Variants in CRCP observed in about 807,000 individuals in gnomAD.
The protein encoded by CRCP is DNA-directed RNA polymerase III subunit RPC9.
Under a neutral mutation model 18.5 loss-of-function variants are expected in CRCP, and 18 were observed. That is an observed-to-expected ratio of 0.97 (90% CI 0.67 to 1.44). The LOEUF is 1.44. CRCP is among the 40% of genes most tolerant of loss of function. CRCP has a pLI of 0.00. For synonymous variants in CRCP, 53 were observed against 62.9 expected (o/e 0.84, Z 0.75); for missense variants, 130 against 176.4 (o/e 0.74, Z 1.49).
intron 4 of CRCP, among the ~76,000 whole-genome samples, chr7:66,135,315 C>T (rs191934768): frequency 1.3e-5 from 2 of 152,174 alleles, no homozygotes; most frequent in African/African-American, 4.8e-5. Flanking sequence ...TAATTCTTCT[C>T]TAATTATTGA....
Position 66,146,179 on chromosome 7 carries a change from C to A in CRCP, c.297+679C>A, listed in dbSNP as rs780241903. Among the ~76,000 whole-genome samples, 197 of 152,168 alleles carry A rather than the reference C, an allele frequency of 1.3e-3. 3 individuals are homozygous for A. Among genetic ancestry groups the A allele is most frequent in the Non-Finnish European group, 1.4e-3 (96 of 68,026 alleles). ...CACCGTCAGAGATCACATCTAAAAC[C>A]ATGAATGTGATCCCATTTCCCTGCA... On this transcript the variant is annotated intron_variant, in intron 5 of 5. Coordinates refer to ENST00000395326, the MANE Select transcript of CRCP (RefSeq NM_014478.5).
In CRCP at chr7:66,136,762, G is replaced by A. The variant is rs1787982603; in HGVS notation, c.239+2388G>A. Among the ~76,000 whole-genome samples the A allele has an allele frequency of 2.0e-5, 3 of 151,856 alleles. No individual in the cohort carries two copies. The South Asian group carries it at 6.2e-4, about 32-fold the overall frequency. On this transcript the variant is annotated intron_variant, in intron 4 of 5. Transcript: ENST00000395326. The stretch of plus-strand genomic sequence containing the variant: ...ACATCTATAGGTCAGTTTTGGGGGA[G>A]AATTGACATCTTGACAATATTAATA...
chr7:66,145,543 G>C (rs1562771904), intron 5 of CRCP, 43 bp downstream of exon 5: 1 of 1,605,956 alleles, frequency 6.2e-7, no homozygotes, highest in East Asian at 2.2e-5. Context: ...CTGTGGGTCT[G>C]AGATGTAGAA....
At chr7:66,134,748 T>G (rs1312499013) in intron 4 of CRCP, among the ~76,000 whole-genome samples, 1 of 152,078 alleles carries the variant, frequency 6.6e-6, no homozygotes, top group Non-Finnish European at 1.5e-5. Flanking sequence ...CAAAATACAG[T>G]TTATTTATAT....
At chr7:66,132,977 A>G (rs1056671674) in intron 3 of CRCP, among the ~76,000 whole-genome samples, 3 of 152,100 alleles carry the variant, frequency 2.0e-5, no homozygotes, top group African/African-American at 7.2e-5. Flanking sequence ...TTCAAGGGGA[A>G]GCGGGGCGGG....
At chr7:66,132,003 C>A (rs951136964) in intron 3 of CRCP, among the ~76,000 whole-genome samples, 5 of 152,260 alleles carry the variant, frequency 3.3e-5, no homozygotes. Flanking sequence ...TCATGTGATC[C>A]GCCCACCTCT....
rs927662298 is a variant in CRCP at position 66,127,612 on chromosome 7, C to T, written c.9-92C>T. ...GTAGTCCCTAAATTCAAAAAGTGGA[C>T]TACTGTATCTTGACAGGAATTCTTT... is the stretch of plus-strand genomic sequence containing the variant. On this transcript the variant is annotated intron_variant, in intron 1 of 5. Transcript: ENST00000395326. 5.7e-6 allele frequency: 8 copies of T among 1,398,210 alleles called. No individual in the cohort carries two copies. The African/African-American group carries it at 1.0e-4, about 17-fold the overall frequency. 86.6% of individuals were successfully genotyped at this position (1,398,210 alleles called of 1,614,324 possible).
chr7:66,122,047 A>G (rs1453312492), intron 1 of CRCP, among the ~76,000 whole-genome samples: 5 of 152,180 alleles, frequency 3.3e-5, no homozygotes, highest in Non-Finnish European at 5.9e-5. Context: ...TATTTTCGTC[A>G]TTGCCTGTGT....
chr7:66,148,255 G>A (rs1331868101), intron 5 of CRCP, among the ~76,000 whole-genome samples: 2 of 152,268 alleles, frequency 1.3e-5, no homozygotes, highest in Non-Finnish European at 2.9e-5. Flanking sequence ...CCAGCTACTT[G>A]GGAGGCTGAG....
chr7:66,117,193 T>C (rs920729166), intron 1 of CRCP, among the ~76,000 whole-genome samples: 4 of 152,088 alleles, frequency 2.6e-5, no homozygotes, highest in Admixed American at 2.6e-4. Flanking sequence ...TCAACTTTCT[T>C]GATCTCTCAG....
chr7:66,140,236 C>T (rs1788093331), intron 4 of CRCP, among the ~76,000 whole-genome samples: 1 of 152,202 alleles, frequency 6.6e-6, no homozygotes, highest in Non-Finnish European at 1.5e-5. Context: ...GATTGAGGCC[C>T]TGAGAGAAAA....
chr7:66,121,310 G>A (rs1419498502), intron 1 of CRCP, among the ~76,000 whole-genome samples: 9 of 151,888 alleles, frequency 5.9e-5, no homozygotes, highest in Admixed American at 2.6e-4. Flanking sequence ...CTCGGCCTCC[G>A]AAAGTGCTGG....
chr7:66,152,383 C>T lies in CRCP; in HGVS notation c.*26C>T. 6.2e-7 allele frequency: 1 copy of T among 1,611,996 alleles called. No homozygotes were observed. Among genetic ancestry groups the T allele is most frequent in the Non-Finnish European group, 8.5e-7 (1 of 1,179,078 alleles). ...AAGAGCACAGCTGGCCCCGGCGTTT[C>T]ATGAAGTCAGAAGGCCTGGCAGCCA... is the stretch of plus-strand genomic sequence containing the variant. On this transcript the variant is annotated 3_prime_UTR_variant, in exon 6 of 6. Transcript: ENST00000395326.
intron 5 of CRCP, among the ~76,000 whole-genome samples, chr7:66,146,966 A>G (rs145038535): frequency 5.9e-5 from 9 of 152,330 alleles, no homozygotes; most frequent in Non-Finnish European, 1.3e-4. Flanking sequence ...GGCAGAGAGA[A>G]GAGATGAGGA....
rs762425749 is a variant in CRCP, at chr7:66,127,686, CTT to C, written c.9-17_9-16del. The C allele has an allele frequency of 6.2e-7, 1 of 1,614,018 alleles. No homozygotes were observed. The highest frequency in any genetic ancestry group is 8.5e-7 in the Non-Finnish European group (1 of 1,179,930). ...GGGTGTGAGCCCAGACTGATGATAG[CTT>C]ACTTTTCTTTTTCAGGAAGGATGCC... On this transcript the variant is annotated splice_polypyrimidine_tract_variant and intron_variant, in intron 1 of 5. Coordinates refer to ENST00000395326, the MANE Select transcript of CRCP (RefSeq NM_014478.5).
chr7:66,143,887 C>T (rs1211963437), intron 4 of CRCP, among the ~76,000 whole-genome samples: 2 of 152,170 alleles, frequency 1.3e-5, no homozygotes, highest in Non-Finnish European at 2.9e-5. Flanking sequence ...CCTGTTAATC[C>T]TCTCATAAGA....
intron 2 of CRCP, among the ~76,000 whole-genome samples, chr7:66,129,458 T>C (rs1024473171): frequency 6.6e-6 from 1 of 152,162 alleles, no homozygotes; most frequent in African/African-American, 2.4e-5. Context: ...ATGACCACTG[T>C]ACTCCAGTCT....
At chr7:66,116,614 T>C (rs915457434) in intron 1 of CRCP, among the ~76,000 whole-genome samples, 4 of 152,190 alleles carry the variant, frequency 2.6e-5, no homozygotes, top group African/African-American at 4.8e-5. Context: ...TACTAATTTT[T>C]CCCTCTTTAC....
chr7:66,130,288 TAG>T (rs1187681322), intron 2 of CRCP: 2 of 218,370 alleles, frequency 9.2e-6, no homozygotes, highest in African/African-American at 4.8e-5. Flanking sequence ...GTATTTTTAG[TAG>T]AGATGGGGTT....
Sources: gnomAD v4.1 joint callset for allele counts (sites outside exome capture counted in the v4.1 genomes callset) on GRCh38, gnomAD v4.1.1 for gene constraint, MANE v1.5 for transcripts, NCBI Gene and HGNC (gene_info 2026-07-23, HGNC 2026-07-21) for gene names.